Variants in GLRB observed in about 807,000 individuals in gnomAD.
GLRB encodes the protein glycine receptor subunit beta.
Under a neutral mutation model 54.2 loss-of-function variants are expected in GLRB, and 33 were observed. That is an observed-to-expected ratio of 0.61 (90% CI 0.46 to 0.81). GLRB has a LOEUF of 0.81. Ranked by LOEUF, GLRB falls within the 40% of genes least tolerant of loss-of-function variation. The pLI is 0.00. For synonymous variants in GLRB, 209 were observed against 208.2 expected, an observed-to-expected ratio of 1.00 and a Z score of -0.03; for missense variants, 572 against 584.6, an observed-to-expected ratio of 0.98 and a Z score of 0.22.
At chr4:157,086,110 G>GT (rs1404848877) in intron 2 of GLRB, among the ~76,000 whole-genome samples, 1 of 152,042 alleles carries the variant, frequency 6.6e-6, no homozygotes, top group Non-Finnish European at 1.5e-5. Context: ...CGCGTTACAG[G>GT]TATCAGCCAT....
At chr4:157,116,920 G>A (rs1229984327) in intron 2 of GLRB, among the ~76,000 whole-genome samples, 15 of 151,602 alleles carry the variant, frequency 9.9e-5, no homozygotes. Context: ...TAGAAGAAAA[G>A]GGGCCATATG....
chr4:157,096,421 G>C (rs1050231292), intron 2 of GLRB, among the ~76,000 whole-genome samples: 4 of 152,144 alleles, frequency 2.6e-5, no homozygotes, highest in African/African-American at 9.6e-5. Flanking sequence ...GAGCCAGTTT[G>C]GATAAATGTT....
intron 8 of GLRB, among the ~76,000 whole-genome samples, chr4:157,148,165 C>CA (rs1736887185): frequency 6.6e-6 from 1 of 152,062 alleles, no homozygotes. Context: ...ATTACTAGAA[C>CA]AAAAAGTGTT....
Position 157,091,205 on chromosome 4 carries a change from A to G in GLRB, c.122+13059A>G, listed in dbSNP as rs74646064. On this transcript the variant is annotated intron_variant, in intron 2 of 9. Transcript: ENST00000264428. Reference sequence around the variant, plus strand: ...CGATTATAATAGTTTGGCGTGCAGCACAATGATTTATGGGTACTCTCCATT... The same window carrying G: ...CGATTATAATAGTTTGGCGTGCAGCGCAATGATTTATGGGTACTCTCCATT... 7.8e-3 allele frequency among the ~76,000 whole-genome samples: 1,189 copies of G among 152,310 alleles called. 21 individuals carry two copies. The East Asian group carries it at 0.1, about 13-fold the overall frequency.
chr4:157,084,965 A>G (rs573099274), intron 2 of GLRB, among the ~76,000 whole-genome samples: 6 of 152,216 alleles, frequency 3.9e-5, no homozygotes, highest in Non-Finnish European at 5.9e-5. Flanking sequence ...TAAAATGGAT[A>G]CTATTGAAAA....
chr4:157,085,678 C>G (rs563522918), intron 2 of GLRB, among the ~76,000 whole-genome samples: 1 of 151,968 alleles, frequency 6.6e-6, no homozygotes, highest in East Asian at 2.0e-4. Flanking sequence ...TTTGTGTTTT[C>G]AGTAGAGATG....
rs930078810 is a variant in GLRB at position 157,136,619 on chromosome 4, A to T, written c.448A>T (p.Ser150Cys). The T allele has an allele frequency of 6.2e-7, 1 of 1,613,426 alleles. No homozygotes were observed. The highest frequency in any genetic ancestry group is 8.5e-7 in the Non-Finnish European group (1 of 1,179,408). The change falls in exon 5 of 10, where the codon AGT (serine) becomes TGT (cysteine). Residue 150 changes from serine to cysteine, a missense_variant. Transcript: ENST00000264428. ...TGATTTATTTTTTGCAAATGAAAAA[A>T]GTGCCAATTTTCATGATGTGACCCA... ...KPDLFFANEK[S>C]ANFHDVTQEN...
At chr4:157,136,768 T>C in intron 5 of GLRB, 36 bp from the exon 6 acceptor site, 3 of 1,498,734 alleles carry the variant, frequency 2.0e-6, no homozygotes, top group Non-Finnish European at 2.8e-6. Context: ...CAGAGAAGTA[T>C]ATTAAATTAT....
At chr4:157,157,889 G>T (rs975986471) in intron 9 of GLRB, among the ~76,000 whole-genome samples, 1 of 152,138 alleles carries the variant, frequency 6.6e-6, no homozygotes, top group Non-Finnish European at 1.5e-5. Flanking sequence ...GGCATTTCTA[G>T]TTCTAGATCC....
chr4:157,136,741 C>G (rs1309731870), intron 5 of GLRB, 43 bp downstream of exon 5: 1 of 1,520,582 alleles, frequency 6.6e-7, no homozygotes. Context: ...TATTTTCCTT[C>G]TAAAATCAAT....
rs1737890655 is a variant in GLRB at position 157,170,717 on chromosome 4, ATATATT to A, written c.1487_1492del (p.Tyr496_Leu497del). On this transcript the variant is annotated inframe_deletion, in exon 10 of 10. Transcript: ENST00000264428. Reference sequence around the variant, plus strand: ...GTTCTTCAATGTTATATATTGGTCTATATATTTATGATAAATCTTTTCCATTTGTAC... The same window carrying A: ...GTTCTTCAATGTTATATATTGGTCTATATGATAAATCTTTTCCATTTGTAC... 1 of 1,490,970 alleles carries A rather than the reference ATATATT, an allele frequency of 6.7e-7. No homozygotes were observed. Among genetic ancestry groups the A allele is most frequent in the Non-Finnish European group, 9.1e-7 (1 of 1,099,872 alleles). The allele number at this position is 1,490,970 out of a possible 1,614,324, so 92.4% of individuals were successfully genotyped here. A position where few individuals can be genotyped will look rare whatever the true frequency, so the allele number is the denominator to read the frequency against.
At chr4:157,122,695 T>C (rs1735876632) in intron 4 of GLRB, among the ~76,000 whole-genome samples, 1 of 151,758 alleles carries the variant, frequency 6.6e-6, no homozygotes, top group South Asian at 2.1e-4. Context: ...ATGAAGACTC[T>C]TGGGCAACAG....
At chr4:157,085,276 TG>T (rs1184473917) in intron 2 of GLRB, among the ~76,000 whole-genome samples, 1 of 152,186 alleles carries the variant, frequency 6.6e-6, no homozygotes, top group East Asian at 1.9e-4. Context: ...GATCTAATTC[TG>T]TCATCCAGGC....
chr4:157,099,537 A>T (rs1734939458), intron 2 of GLRB, among the ~76,000 whole-genome samples: 1 of 151,982 alleles, frequency 6.6e-6, no homozygotes, highest in African/African-American at 2.4e-5. Context: ...GGGTTTCACC[A>T]TGTTGGCCAG....
chr4:157,104,218 A>C (rs1735140305), intron 2 of GLRB, among the ~76,000 whole-genome samples: 2 of 152,262 alleles, frequency 1.3e-5, no homozygotes, highest in African/African-American at 4.8e-5. Flanking sequence ...AATGTGAAGT[A>C]ATTTCCTTCT....
chr4:157,083,723 TAGAA>T (rs1247338893), intron 2 of GLRB, among the ~76,000 whole-genome samples: 1 of 152,166 alleles, frequency 6.6e-6, no homozygotes, highest in Non-Finnish European at 1.5e-5. Flanking sequence ...GGAATTGACT[TAGAA>T]AGCTCTAGTA....
intron 4 of GLRB, among the ~76,000 whole-genome samples, chr4:157,123,209 T>C (rs1484371758): frequency 6.6e-6 from 1 of 151,724 alleles, no homozygotes; most frequent in East Asian, 1.9e-4. Flanking sequence ...CTAAGATTTA[T>C]TTTCCTGTAT....
At chr4:157,136,371 T>C in intron 4 of GLRB, 98 bp from the exon 5 acceptor site, 1 of 722,592 alleles carries the variant, frequency 1.4e-6, no homozygotes, top group Non-Finnish European at 2.5e-6. Context: ...AAAATATTTG[T>C]GCCACTAATC....
At chr4:157,155,874 A>T (rs1398799150) in intron 9 of GLRB, among the ~76,000 whole-genome samples, 2 of 151,682 alleles carry the variant, frequency 1.3e-5, no homozygotes, top group African/African-American at 4.9e-5. Flanking sequence ...TTCTTTGTGT[A>T]CTTTTCCTGC....
Sources: gnomAD v4.1 joint callset for allele counts (sites outside exome capture counted in the v4.1 genomes callset) on GRCh38, gnomAD v4.1.1 for gene constraint, MANE v1.5 for transcripts, NCBI Gene and HGNC (gene_info 2026-07-23, HGNC 2026-07-21) for gene names.